AKR1C8: variants seen among roughly 807,000 people sequenced by gnomAD.
AKR1C8 encodes the protein aldo-keto reductase family 1 member C8, also known as aldo-keto reductase family 1 member C-like protein 1.
At chr10:5,123,950 T>C in the AKR1C8 span, 1 of 949,808 alleles carries the variant, frequency 1.1e-6, no homozygotes, top group Non-Finnish European at 1.5e-6. Flanking sequence ...ACAATATTAC[T>C]GTCAACTAAT....
chr10:5,183,456 T>A, the AKR1C8 span, among the ~76,000 whole-genome samples: 3 of 152,184 alleles, frequency 2.0e-5, no homozygotes, highest in African/African-American at 7.2e-5. Context: ...TTTTAATACA[T>A]GTACTCTAAT....
At chr10:5,138,441 G>A in the AKR1C8 span, among the ~76,000 whole-genome samples, 37,701 of 151,816 alleles carry the variant, frequency 0.25, 4,838 homozygotes, top group Middle Eastern at 0.36. Flanking sequence ...CAGACCTTAT[G>A]GTTGTCTTCC....
At chr10:5,128,174 C>G in the AKR1C8 span, among the ~76,000 whole-genome samples, 1,248 of 152,168 alleles carry the variant, frequency 8.2e-3, 15 homozygotes, top group African/African-American at 0.028. Context: ...TTGTATCCAG[C>G]AAAACTATAT....
chr10:5,165,476 C>G, the AKR1C8 span, among the ~76,000 whole-genome samples: 1 of 152,082 alleles, frequency 6.6e-6, no homozygotes, highest in South Asian at 2.1e-4. Flanking sequence ...TTCTATATCC[C>G]TCTAATAGTG....
At chr10:5,184,411 G>T in the AKR1C8 span, among the ~76,000 whole-genome samples, 1 of 152,182 alleles carries the variant, frequency 6.6e-6, no homozygotes, top group Non-Finnish European at 1.5e-5. Context: ...ATACATTGAT[G>T]AGACTGTAAC....
At chr10:5,137,048 G>A in the AKR1C8 span, among the ~76,000 whole-genome samples, 1 of 152,064 alleles carries the variant, frequency 6.6e-6, no homozygotes, top group Non-Finnish European at 1.5e-5. Flanking sequence ...TATTAGGTAA[G>A]CAATAGTATC....
At chr10:5,145,960 A>G in the AKR1C8 span, among the ~76,000 whole-genome samples, 1 of 152,044 alleles carries the variant, frequency 6.6e-6, no homozygotes, top group South Asian at 2.1e-4. Context: ...AATGTCCAAC[A>G]ATGATAGACT....
chr10:5,147,626 C>T, the AKR1C8 span, among the ~76,000 whole-genome samples: 17 of 152,102 alleles, frequency 1.1e-4, no homozygotes, highest in Non-Finnish European at 1.9e-4. Flanking sequence ...CCTTATAGTT[C>T]CAAGATAATT....
At chr10:5,136,474 G>T in the AKR1C8 span, among the ~76,000 whole-genome samples, 2 of 152,148 alleles carry the variant, frequency 1.3e-5, no homozygotes, top group African/African-American at 4.8e-5. Flanking sequence ...TTCAACCTGG[G>T]AGGCAGAGGC....
the AKR1C8 span, among the ~76,000 whole-genome samples, chr10:5,142,075 C>A: frequency 6.6e-6 from 1 of 152,256 alleles, no homozygotes; most frequent in African/African-American, 2.4e-5. Flanking sequence ...TGACCTGCTG[C>A]AGATTCTCCA....
At chr10:5,148,377 A>G in the AKR1C8 span, among the ~76,000 whole-genome samples, 1 of 152,196 alleles carries the variant, frequency 6.6e-6, no homozygotes, top group African/African-American at 2.4e-5. Flanking sequence ...TAAACCAAAA[A>G]GTAACCCAGG....
At chr10:5,125,303 A>G in the AKR1C8 span, among the ~76,000 whole-genome samples, 1 of 152,188 alleles carries the variant, frequency 6.6e-6, no homozygotes. Flanking sequence ...ATCTGAGGTC[A>G]TTATTGGTAC....
At chr10:5,179,913 T>G in the AKR1C8 span, among the ~76,000 whole-genome samples, 22 of 152,260 alleles carry the variant, frequency 1.4e-4, no homozygotes, top group African/African-American at 2.6e-4. Context: ...TTTGCCTTTG[T>G]TTTGAATTTC....
the AKR1C8 span, among the ~76,000 whole-genome samples, chr10:5,118,178 A>T: frequency 6.6e-6 from 1 of 152,198 alleles, no homozygotes; most frequent in African/African-American, 2.4e-5. Flanking sequence ...AAGTACAACC[A>T]TGTTATCCAT....
the AKR1C8 span, among the ~76,000 whole-genome samples, chr10:5,124,714 TTA>T: frequency 1.3e-5 from 2 of 152,110 alleles, no homozygotes; most frequent in Non-Finnish European, 2.9e-5. Flanking sequence ...GAATATAACT[TTA>T]CCTCTTGATA....
the AKR1C8 span, among the ~76,000 whole-genome samples, chr10:5,139,215 G>T: frequency 6.6e-6 from 1 of 152,080 alleles, no homozygotes; most frequent in Admixed American, 6.6e-5. Context: ...GGTGAAAATG[G>T]CCATACTGCC....
chr10:5,132,347 TA>T, the AKR1C8 span, among the ~76,000 whole-genome samples: 8 of 152,148 alleles, frequency 5.3e-5, no homozygotes, highest in South Asian at 2.1e-4. Context: ...AATGAGCGCA[TA>T]AAAAATATTT....
chr10:5,164,919 A>T, the AKR1C8 span, among the ~76,000 whole-genome samples: 2,027 of 152,150 alleles, frequency 0.013, 44 homozygotes, highest in African/African-American at 0.046. Context: ...CATGGCTATC[A>T]TGTCTTCTGT....
At chr10:5,174,557 T>C in the AKR1C8 span, among the ~76,000 whole-genome samples, 1 of 151,960 alleles carries the variant, frequency 6.6e-6, no homozygotes, top group South Asian at 2.1e-4. Flanking sequence ...TAATAAGACC[T>C]GAGGACATAG....
Sources: allele counts gnomAD v4.1 joint callset (sites outside exome capture counted in the v4.1 genomes callset), GRCh38; gene constraint gnomAD v4.1.1; transcripts MANE v1.5; gene names NCBI Gene and HGNC (gene_info 2026-07-23, HGNC 2026-07-21).